UBR4: variants seen among roughly 807,000 people sequenced by gnomAD.
UBR4 encodes the protein ubiquitin protein ligase E3 component n-recognin 4.
In UBR4, 124 loss-of-function variants were observed where a neutral mutation model predicts 575.6. The ratio of observed to expected loss-of-function variants is 0.22; its 90% CI spans 0.19 to 0.25. The LOEUF is 0.25. Among genes scored for constraint, UBR4 ranks in the 10% least tolerant of loss-of-function variants. The pLI is 1.00. For synonymous variants in UBR4, 2,455 were observed against 2,473.7 expected, an observed-to-expected ratio of 0.99 and a Z score of 0.22; for missense variants, 4,818 against 6,478.8, an observed-to-expected ratio of 0.74 and a Z score of 8.80.
chr1:19,156,934 G>T lies in UBR4; in HGVS notation c.5761-9C>A, dbSNP rs763311440. ...AGCTGCAGAACGGTGATCTGCAAAGGAACAATGACTAATTTATTCCTACTC... is the reference window on the plus strand; with the variant it reads ...AGCTGCAGAACGGTGATCTGCAAAGTAACAATGACTAATTTATTCCTACTC... On this transcript the variant is annotated splice_polypyrimidine_tract_variant and intron_variant, in intron 40 of 105. Transcript: ENST00000375254. 29 of 1,611,094 alleles carry T rather than the reference G, an allele frequency of 1.8e-5. No homozygotes were observed. Among genetic ancestry groups the T allele is most frequent in the Non-Finnish European group, 2.5e-5 (29 of 1,178,238 alleles).
At position 19,109,349 on chromosome 1, in the gene UBR4, TTAATAA is replaced by T. The variant is rs1189861479; in HGVS notation, c.12105+741_12105+746del. ...TAAAAACTTGGTTTCATTTATTCAC[TTAATAA>T]TAATTCACTAAGCAGCTATTATAGA... On this transcript the variant is annotated intron_variant, in intron 81 of 105. Transcript: ENST00000375254. Among the ~76,000 whole-genome samples the T allele has an allele frequency of 3.9e-5, 6 of 152,366 alleles. No individual in the cohort carries two copies. In the East Asian group the frequency reaches 1.2e-3, roughly 29 times the overall value.
intron 103 of UBR4, 146 bp from the exon 104 acceptor site, chr1:19,078,212 G>T: frequency 2.7e-6 from 2 of 741,796 alleles, no homozygotes; most frequent in South Asian, 3.7e-5. Flanking sequence ...TTGGAAAAAA[G>T]CAGCTGTGGG....
rs1435404568 is a variant in UBR4, at chr1:19,117,124, G to A, written c.10823+97C>T. 6.5e-6 allele frequency: 9 copies of A among 1,383,790 alleles called. No homozygotes were observed. In the Admixed American group the frequency reaches 1.5e-4, roughly 22 times the overall value. The allele number at this position is 1,383,790 out of a possible 1,614,324, so 85.7% of individuals were successfully genotyped here. On this transcript the variant is annotated intron_variant, in intron 73 of 105. Coordinates refer to ENST00000375254, the MANE Select transcript of UBR4 (RefSeq NM_020765.3). This position sits in a 1 kb window ranked among gnomAD's most constrained non-coding sequence, Gnocchi z 4.0. The stretch of plus-strand genomic sequence containing the variant: ...GCCAAGAGGATGTATTAGGCCTCTA[G>A]GGATGTGCTGCCTTACTCCATTCCA...
At chr1:19,097,909 AATG>A (rs2078215555) in intron 90 of UBR4, among the ~76,000 whole-genome samples, 2 of 152,262 alleles carry the variant, frequency 1.3e-5, no homozygotes, top group African/African-American at 2.4e-5. Context: ...ATCTGACTAG[AATG>A]ATAAGAATCA....
chr1:19,153,593 T>C lies in UBR4; in HGVS notation c.6631-91A>G, dbSNP rs1292629955. The stretch of plus-strand genomic sequence containing the variant: ...AGAGGCAGAGATGCAACTGGTTTCA[T>C]GGTCAGTTGAGGGGCTGTACAGAAG... On this transcript the variant is annotated intron_variant, in intron 45 of 105. Transcript: ENST00000375254. This position sits in a 1 kb window ranked among gnomAD's most constrained non-coding sequence, Gnocchi z 4.1. 2.6e-6 allele frequency: 4 copies of C among 1,541,436 alleles called. No homozygotes were observed. Among genetic ancestry groups the C allele is most frequent in the Non-Finnish European group, 1.8e-6 (2 of 1,123,474 alleles).
intron 78 of UBR4, chr1:19,112,042 A>T (rs1206475840): frequency 1.3e-5 from 2 of 152,978 alleles, no homozygotes. Context: ...GGCAAGAGCC[A>T]CTGTGCCCAG....
At position 19,187,482 on chromosome 1, in the gene UBR4, T is replaced by C; in HGVS notation, c.1453A>G (p.Thr485Ala). The change falls in exon 12 of 106, where the codon ACG becomes GCG. Residue 485 changes from threonine to alanine, a missense_variant. Physicochemically the swap from Thr to Ala is moderately conservative, Grantham distance 58. This residue lies in a region of UBR4 where 162 missense variants were observed against 216.4 expected (regional missense o/e 0.75). Coordinates refer to ENST00000375254, the MANE Select transcript of UBR4 (RefSeq NM_020765.3). ...ACTTGTAGGTCTTGAAAGAGAGACG[T>C]TAGCAGTTTGATGGCATGGTTTGCC... is the stretch of plus-strand genomic sequence containing the variant. ...ILANHAIKLL[T>A]SLFQDLQVEA... is the part of the protein sequence containing the mutation. 3 of 1,613,980 alleles carry C rather than the reference T, an allele frequency of 1.9e-6. No homozygotes were observed. Among genetic ancestry groups the C allele is most frequent in the Non-Finnish European group, 2.5e-6 (3 of 1,180,026 alleles).
chr1:19,153,592 A>G lies in UBR4; in HGVS notation c.6631-90T>C, dbSNP rs2086031820. The G allele has an allele frequency of 1.2e-5, 18 of 1,542,444 alleles. No homozygotes were observed. The highest frequency in any genetic ancestry group is 1.5e-5 in the Non-Finnish European group (17 of 1,124,072). On this transcript the variant is annotated intron_variant, in intron 45 of 105. Transcript: ENST00000375254. The surrounding 1 kb of genome is among the most constrained non-coding windows in gnomAD (Gnocchi z 4.1). ...AAGAGGCAGAGATGCAACTGGTTTC[A>G]TGGTCAGTTGAGGGGCTGTACAGAA...
At chr1:19,081,671 C>T (rs780779518) in intron 102 of UBR4, 98 bp from the exon 103 acceptor site, 5 of 1,352,620 alleles carry the variant, frequency 3.7e-6, no homozygotes, top group Admixed American at 1.7e-5. Context: ...TGTCTTGTGA[C>T]ATTTGCTGAA....
rs1214280736 is a variant in UBR4, at chr1:19,183,896, C to G, written c.2099G>C (p.Gly700Ala). Residue 700 changes from glycine (G) to alanine (A), a missense_variant and splice_region_variant, in exon 17 of 106, where the codon GGT becomes GCT. Coordinates refer to ENST00000375254, the MANE Select transcript of UBR4 (RefSeq NM_020765.3). ...TGCAGCAAACTCTTCATCTGATGAA[C>G]CTTAAAGACAAGTAGAAAAGCCAAT... ...IKEVDKDGLK[G>A]SSDEEFAAAL... 6.2e-7 allele frequency: 1 copy of G among 1,614,048 alleles called. No individual in the cohort carries two copies. Among genetic ancestry groups the G allele is most frequent in the East Asian group, 2.2e-5 (1 of 44,874 alleles).
chr1:19,124,709 C>T lies in UBR4; in HGVS notation c.9439-19G>A, dbSNP rs371496092. 17 of 1,604,198 alleles carry T rather than the reference C, an allele frequency of 1.1e-5. No homozygotes were observed. The highest frequency in any genetic ancestry group is 1.4e-5 in the Non-Finnish European group (17 of 1,175,762). ...CATGACCCTGGGAGAAGAAAATTTGCATGAGAACCTGTGACTATCGATTTT... is the reference window on the plus strand; with the variant it reads ...CATGACCCTGGGAGAAGAAAATTTGTATGAGAACCTGTGACTATCGATTTT... On this transcript the variant is annotated intron_variant, in intron 64 of 105. Coordinates refer to ENST00000375254, the MANE Select transcript of UBR4 (RefSeq NM_020765.3).
chr1:19,193,518 C>T lies in UBR4; in HGVS notation c.1058G>A (p.Gly353Asp), dbSNP rs1300710569. ...VATCMAILHV[G>D]SAQQVRTGST... The stretch of plus-strand genomic sequence containing the variant: ...CCCTGTCCGCACTTGCTGGGCACTA[C>T]CCACATGGAGGATGGCCATGCACGT... The change falls in exon 9 of 106, where the codon GGT (glycine) becomes GAT (aspartate). Residue 353 changes from glycine (G) to aspartate (D), a missense_variant. Gly to Asp is a moderately conservative substitution (Grantham distance 94). This residue lies in a region of UBR4 where 131 missense variants were observed against 214.5 expected (regional missense o/e 0.61). Coordinates refer to ENST00000375254, the MANE Select transcript of UBR4 (RefSeq NM_020765.3). The T allele has an allele frequency of 6.2e-7, 1 of 1,614,170 alleles. No individual in the cohort carries two copies. The highest frequency in any genetic ancestry group is 1.1e-5 in the South Asian group (1 of 91,082).
intron 65 of UBR4, among the ~76,000 whole-genome samples, chr1:19,123,751 T>C (rs1357844329): frequency 6.6e-6 from 1 of 152,242 alleles, no homozygotes; most frequent in Non-Finnish European, 1.5e-5. Context: ...GGTACAACTA[T>C]GTAACTCAAA....
intron 26 of UBR4, among the ~76,000 whole-genome samples, chr1:19,169,978 G>A (rs923085277): frequency 1.3e-5 from 2 of 152,196 alleles, no homozygotes; most frequent in African/African-American, 4.8e-5. Flanking sequence ...TACAAAGTGA[G>A]ACTATCTGAA....
At chr1:19,145,960 C>G in intron 52 of UBR4, 27 bp from the exon 53 acceptor site, 2 of 1,612,442 alleles carry the variant, frequency 1.2e-6, no homozygotes, top group Non-Finnish European at 1.7e-6. Context: ...AAATTATCAA[C>G]GATGGTAAAT....
chr1:19,074,594 T>C lies in UBR4; in HGVS notation c.*238A>G. On this transcript the variant is annotated 3_prime_UTR_variant, in exon 106 of 106. Transcript: ENST00000375254. ...GCTGGCCGGGACAACTCATGGCTCC[T>C]AGGTATGTACAGGCCCTTTGATGGC... is the stretch of plus-strand genomic sequence containing the variant. 1 of 560,718 alleles carries C rather than the reference T, an allele frequency of 1.8e-6. No homozygotes were observed. Among genetic ancestry groups the C allele is most frequent in the South Asian group, 2.1e-5 (1 of 47,010 alleles). The allele number at this position is 560,718 out of a possible 1,614,324, so 34.7% of individuals were successfully genotyped here.
intron 14 of UBR4, among the ~76,000 whole-genome samples, 187 bp from the exon 15 acceptor site, chr1:19,185,473 C>T (rs1034014286): frequency 6.6e-6 from 1 of 151,722 alleles, no homozygotes; most frequent in Non-Finnish European, 1.5e-5. Flanking sequence ...CAAAACTGAT[C>T]ATCAATAACT....
intron 59 of UBR4, among the ~76,000 whole-genome samples, chr1:19,138,872 A>G (rs1371395172): frequency 6.6e-6 from 1 of 152,188 alleles, no homozygotes; most frequent in African/African-American, 2.4e-5. Flanking sequence ...AAATATTTCA[A>G]TACTAACCCC....
chr1:19,201,759 A>T lies in UBR4; in HGVS notation c.233T>A (p.Val78Asp). ...TGTAATATAGTGTGTGGAAAGTGCAACAAAAGATGAGTAGAATGGCTCGTA... is the reference window on the plus strand; with the variant it reads ...TGTAATATAGTGTGTGGAAAGTGCATCAAAAGATGAGTAGAATGGCTCGTA... ...KQYEPFYSSF[V>D]ALSTHYITTV... Residue 78 changes from valine to aspartate, a missense_variant, in exon 2 of 106, where the codon GTT (valine) becomes GAT (aspartate). Physicochemically the swap from Val to Asp is radical, Grantham distance 152. This residue lies in a region of UBR4 where 85 missense variants were observed against 134.2 expected (regional missense o/e 0.63). Transcript: ENST00000375254. 6.2e-7 allele frequency: 1 copy of T among 1,614,158 alleles called. No individual in the cohort carries two copies. Among genetic ancestry groups the T allele is most frequent in the Non-Finnish European group, 8.5e-7 (1 of 1,179,996 alleles).
Sources: allele counts gnomAD v4.1 joint callset (sites outside exome capture counted in the v4.1 genomes callset), GRCh38; gene constraint gnomAD v4.1.1; regional missense constraint gnomAD v4.1.1; non-coding constraint Gnocchi (gnomAD v3.1); transcripts MANE v1.5; gene names NCBI Gene and HGNC (gene_info 2026-07-23, HGNC 2026-07-21).